VPS50: variants seen among roughly 807,000 people sequenced by gnomAD.
VPS50 encodes syndetin.
Under a neutral mutation model 139.7 loss-of-function variants are expected in VPS50, and 70 were observed. That is an observed-to-expected ratio of 0.50 (90% CI 0.41 to 0.61). The LOEUF (loss-of-function observed/expected upper bound fraction) is 0.61. Ranked by LOEUF, VPS50 falls within the 20% of genes least tolerant of loss-of-function variation. The pLI is 0.00. For synonymous variants in VPS50, 365 were observed against 376.7 expected (o/e 0.97, Z 0.36); for missense variants, 921 against 1,133.7 (o/e 0.81, Z 2.69).
intron 9 of VPS50, among the ~76,000 whole-genome samples, chr7:93,263,005 T>A (rs1795731140): frequency 6.6e-6 from 1 of 152,250 alleles, no homozygotes; most frequent in African/African-American, 2.4e-5. Flanking sequence ...CTTTTATTTT[T>A]GTCTTTATAA....
At chr7:93,346,046 T>C (rs1798382841) in intron 23 of VPS50, among the ~76,000 whole-genome samples, 1 of 152,230 alleles carries the variant, frequency 6.6e-6, no homozygotes, top group Non-Finnish European at 1.5e-5. Flanking sequence ...TTGTCCCTGT[T>C]TGCAGACGAC....
At chr7:93,275,180 T>A (rs1021199633) in intron 11 of VPS50, among the ~76,000 whole-genome samples, 2 of 152,160 alleles carry the variant, frequency 1.3e-5, no homozygotes, top group Non-Finnish European at 2.9e-5. Flanking sequence ...CTAGTGAACA[T>A]GCCATGAACA....
At chr7:93,251,606 T>G (rs1246547099) in intron 2 of VPS50, among the ~76,000 whole-genome samples, 2 of 152,140 alleles carry the variant, frequency 1.3e-5, no homozygotes, top group Non-Finnish European at 2.9e-5. Context: ...CGATGGCATG[T>G]GTATACCTAT....
intron 1 of VPS50, among the ~76,000 whole-genome samples, chr7:93,237,054 C>T (rs567563164): frequency 1.5e-4 from 22 of 143,296 alleles, no homozygotes; most frequent in Non-Finnish European, 3.0e-4. Context: ...GGGTTCATGC[C>T]ATTCGCCTGC....
intron 23 of VPS50, among the ~76,000 whole-genome samples, chr7:93,347,005 C>T (rs2117076274): frequency 7.0e-6 from 1 of 142,304 alleles, no homozygotes; most frequent in East Asian, 2.4e-4. Flanking sequence ...AGCTTCTGCA[C>T]AGCAAAAGAA....
rs150544451 is a variant in VPS50, at chr7:93,294,803, A to G, written c.1167+167A>G. On this transcript the variant is annotated intron_variant, in intron 14 of 27. Coordinates refer to ENST00000305866, the MANE Select transcript of VPS50 (RefSeq NM_017667.4). The stretch of plus-strand genomic sequence containing the variant: ...TTAATTTCTGTAATGTATTTGGACT[A>G]TAAGTGGCAGGAAAAAAGTTTTTTA... Among the ~76,000 whole-genome samples, 1,585 of 152,298 alleles carry G rather than the reference A, an allele frequency of 0.01. 15 individuals are homozygous for G. Among genetic ancestry groups the G allele is most frequent in the Middle Eastern group, 0.02 (6 of 294 alleles).
At chr7:93,350,967 A>G (rs1798539634) in intron 25 of VPS50, among the ~76,000 whole-genome samples, 1 of 152,200 alleles carries the variant, frequency 6.6e-6, no homozygotes. Flanking sequence ...ACCTGCTTAG[A>G]CCAAGTCAAC....
chr7:93,269,206 G>T (rs960603366), intron 9 of VPS50, among the ~76,000 whole-genome samples: 1 of 152,096 alleles, frequency 6.6e-6, no homozygotes, highest in East Asian at 1.9e-4. Context: ...GAATTATTTT[G>T]GGGACAATAG....
intron 2 of VPS50, among the ~76,000 whole-genome samples, chr7:93,251,076 T>C (rs952677787): frequency 6.6e-6 from 1 of 152,220 alleles, no homozygotes; most frequent in Non-Finnish European, 1.5e-5. Flanking sequence ...TTTACACTGT[T>C]GCTGGGAGTG....
rs369985977 is a variant in VPS50 at position 93,293,413 on chromosome 7, T to C, written c.1076-1132T>C. On this transcript the variant is annotated intron_variant, in intron 13 of 27. Coordinates refer to ENST00000305866, the MANE Select transcript of VPS50 (RefSeq NM_017667.4). ...CAATAGTTTACATTCGTTGGAATAC[T>C]GAGTCAAAGTGAAAACTCTATCTGA... Among the ~76,000 whole-genome samples the C allele has an allele frequency of 3.2e-4, 49 of 152,290 alleles. No individual in the cohort carries two copies. In the South Asian group the frequency reaches 9.7e-3, roughly 30 times the overall value.
At chr7:93,343,591 G>A (rs1370344873) in intron 23 of VPS50, among the ~76,000 whole-genome samples, 5 of 152,166 alleles carry the variant, frequency 3.3e-5, no homozygotes, top group East Asian at 3.9e-4. Context: ...GAGAAAGGTC[G>A]GGTTACCCTC....
Position 93,272,689 on chromosome 7 carries a change from T to C in VPS50, c.757T>C (p.Tyr253His), listed in dbSNP as rs749308564. The C allele has an allele frequency of 1.3e-6, 2 of 1,578,316 alleles. No individual in the cohort carries two copies. Among genetic ancestry groups the C allele is most frequent in the Middle Eastern group, 1.7e-4 (1 of 5,968 alleles). The change falls in exon 11 of 28, where the codon TAT (tyrosine) becomes CAT (histidine). Residue 253 changes from tyrosine to histidine, a missense_variant. Physicochemically the swap from Tyr to His is moderately conservative, Grantham distance 83. Coordinates refer to ENST00000305866, the MANE Select transcript of VPS50 (RefSeq NM_017667.4). ...CTGCAAGAATTTTGACATTAACCAT[T>C]ATACCAAGGTTCAACAAGCTTATCG... ...KICKNFDINH[Y>H]TKVQQAYRLL...
At chr7:93,253,115 G>A (rs1482183578) in intron 3 of VPS50, among the ~76,000 whole-genome samples, 1 of 152,134 alleles carries the variant, frequency 6.6e-6, no homozygotes, top group Non-Finnish European at 1.5e-5. Flanking sequence ...TTACATAATT[G>A]TTTAGTGATG....
chr7:93,330,231 A>T (rs1047672497), intron 21 of VPS50, among the ~76,000 whole-genome samples: 2 of 152,172 alleles, frequency 1.3e-5, no homozygotes, highest in African/African-American at 4.8e-5. Context: ...ACTACAAATA[A>T]CTTTAACTTT....
chr7:93,242,546 T>C (rs531904695), intron 2 of VPS50, among the ~76,000 whole-genome samples: 1 of 151,980 alleles, frequency 6.6e-6, no homozygotes, highest in African/African-American at 2.4e-5. Context: ...AAGGTACCCA[T>C]TAGTTTTGCT....
intron 22 of VPS50, among the ~76,000 whole-genome samples, chr7:93,340,178 C>G (rs1798174535): frequency 6.6e-6 from 1 of 152,222 alleles, no homozygotes. Flanking sequence ...TTAAAAGTCT[C>G]TTTCTCTGAG....
chr7:93,240,080 G>A, intron 2 of VPS50, 146 bp downstream of exon 2: 1 of 540,206 alleles, frequency 1.9e-6, no homozygotes, highest in East Asian at 3.1e-5. Context: ...TTGTATAGTA[G>A]GTGTAGGGCT....
At position 93,271,108 on chromosome 7, in the gene VPS50, T is replaced by A. The variant is rs968127281; in HGVS notation, c.660-112T>A. 2.8e-6 allele frequency: 4 copies of A among 1,437,736 alleles called. No individual in the cohort carries two copies. The African/African-American group carries it at 6.0e-5, about 22-fold the overall frequency. 89.1% of individuals were successfully genotyped at this position (1,437,736 alleles called of 1,614,324 possible). A position where few individuals can be genotyped will look rare whatever the true frequency, so the allele number is the denominator to read the frequency against. On this transcript the variant is annotated intron_variant, in intron 9 of 27. Coordinates refer to ENST00000305866, the MANE Select transcript of VPS50 (RefSeq NM_017667.4). ...TAGAATTCAGCAGCATGTCTTACGA[T>A]CTATACTCTTAATCTTTGAATTTAT...
At chr7:93,286,993 G>GTT (rs78030975) in intron 12 of VPS50, among the ~76,000 whole-genome samples, 8 of 123,774 alleles carry the variant, frequency 6.5e-5, no homozygotes, top group Non-Finnish European at 8.9e-5. Flanking sequence ...TGAAAACGTT[G>GTT]TTTTTTTTTT....
Sources: gnomAD v4.1 joint callset for allele counts (sites outside exome capture counted in the v4.1 genomes callset) on GRCh38, gnomAD v4.1.1 for gene constraint, MANE v1.5 for transcripts, NCBI Gene and HGNC (gene_info 2026-07-23, HGNC 2026-07-21) for gene names.